Variants in IL31RA observed in about 807,000 individuals in gnomAD.
IL31RA encodes the protein interleukin-31 receptor subunit alpha.
In IL31RA, 66 loss-of-function variants were observed where a neutral mutation model predicts 83.7. The observed-to-expected ratio is 0.79, with a 90% CI of 0.65 to 0.97. IL31RA has a LOEUF of 0.97. IL31RA is among the 50% of genes least tolerant of loss of function. The pLI, the probability that IL31RA is intolerant of heterozygous loss-of-function variation, is 0.00. For synonymous variants in IL31RA, 325 were observed against 329.0 expected, an observed-to-expected ratio of 0.99 and a Z score of 0.13; for missense variants, 798 against 919.4, an observed-to-expected ratio of 0.87 and a Z score of 1.71.
intron 6 of IL31RA, among the ~76,000 whole-genome samples, chr5:55,894,492 C>T (rs939488702): frequency 6.6e-6 from 1 of 152,230 alleles, no homozygotes; most frequent in Non-Finnish European, 1.5e-5. Flanking sequence ...GTAAAGTCAA[C>T]ACAGTTCAAT....
intron 7 of IL31RA, among the ~76,000 whole-genome samples, chr5:55,898,222 G>A (rs1263298022): frequency 2.6e-5 from 4 of 152,188 alleles, no homozygotes; most frequent in South Asian, 2.1e-4. Flanking sequence ...TAGCAGTGGC[G>A]AAGGGCCAAG....
rs1348742879 is a variant in IL31RA, at chr5:55,906,551, T to C, written c.1252+263T>C. Among the ~76,000 whole-genome samples, 3 of 152,160 alleles carry C rather than the reference T, an allele frequency of 2.0e-5. No individual in the cohort carries two copies. In the East Asian group the frequency reaches 5.8e-4, roughly 29 times the overall value. ...CTTAACACCCACCATCAGAGAGTCC[T>C]TCCCGGATAGCTGGGTCATCCCATG... On this transcript the variant is annotated intron_variant, in intron 9 of 14. Transcript: ENST00000652347.
Position 55,919,576 on chromosome 5 carries a change from A to T in IL31RA, c.*2456A>T, listed in dbSNP as rs1488921097. On this transcript the variant is annotated 3_prime_UTR_variant, in exon 15 of 15. Transcript: ENST00000652347. The stretch of plus-strand genomic sequence containing the variant: ...CACTGCCAGAGCTTCTCATCTTTTA[A>T]CACTTGCTATTGTTTTCTTGTTTCT... 6.6e-6 allele frequency among the ~76,000 whole-genome samples: 1 copy of T among 151,994 alleles called. No individual in the cohort carries two copies. Among genetic ancestry groups the T allele is most frequent in the African/African-American group, 2.4e-5 (1 of 41,372 alleles).
intron 12 of IL31RA, among the ~76,000 whole-genome samples, chr5:55,912,058 A>G (rs560673648): frequency 6.6e-6 from 1 of 152,318 alleles, no homozygotes; most frequent in Non-Finnish European, 1.5e-5. Context: ...CACTGGGCAC[A>G]AATTTCATCA....
At chr5:55,857,856 C>T (rs1055863144) in intron 1 of IL31RA, among the ~76,000 whole-genome samples, 4 of 152,212 alleles carry the variant, frequency 2.6e-5, no homozygotes, top group Non-Finnish European at 5.9e-5. Context: ...ATTCCAACCA[C>T]CTAACACATG....
intron 7 of IL31RA, among the ~76,000 whole-genome samples, chr5:55,898,716 G>A (rs1319463653): frequency 6.7e-6 from 1 of 148,898 alleles, no homozygotes; most frequent in Non-Finnish European, 1.5e-5. Flanking sequence ...TATTTAAAAA[G>A]AATATGTGTT....
chr5:55,842,858 A>C, the IL31RA span, among the ~76,000 whole-genome samples: 1 of 152,104 alleles, frequency 6.6e-6, no homozygotes, highest in Non-Finnish European at 1.5e-5. Flanking sequence ...CCTTAGTGTT[A>C]CTTGATTCAA....
At chr5:55,912,781 G>A (rs1027931007) in intron 12 of IL31RA, among the ~76,000 whole-genome samples, 1 of 152,084 alleles carries the variant, frequency 6.6e-6, no homozygotes, top group African/African-American at 2.4e-5. Context: ...GGGCAACAGA[G>A]CGAGACTCCA....
chr5:55,921,303 A>G lies in IL31RA; in HGVS notation c.*4183A>G, dbSNP rs571075731. Reference sequence around the variant, plus strand: ...TTCAGCTAATTGCAAATCATACTGAATACATTATGTTCTCCCATATATAAA... The same window carrying G: ...TTCAGCTAATTGCAAATCATACTGAGTACATTATGTTCTCCCATATATAAA... On this transcript the variant is annotated 3_prime_UTR_variant, in exon 15 of 15. Coordinates refer to ENST00000652347, the MANE Select transcript of IL31RA (RefSeq NM_139017.7). Among the ~76,000 whole-genome samples, 1 of 152,334 alleles carries G rather than the reference A, an allele frequency of 6.6e-6. No homozygotes were observed. The highest frequency in any genetic ancestry group is 2.1e-4 in the South Asian group (1 of 4,832).
chr5:55,892,255 T>C (rs1580710181), intron 6 of IL31RA, among the ~76,000 whole-genome samples: 1 of 152,184 alleles, frequency 6.6e-6, no homozygotes, highest in Admixed American at 6.5e-5. Flanking sequence ...ATGTGAGTTT[T>C]AGAATATGAA....
the IL31RA span, among the ~76,000 whole-genome samples, chr5:55,843,942 T>A: frequency 6.6e-6 from 1 of 152,194 alleles, no homozygotes; most frequent in Non-Finnish European, 1.5e-5. Flanking sequence ...TTTATTGAAG[T>A]GTTTGGTATA....
chr5:55,890,734 A>G (rs1747936036), intron 6 of IL31RA, among the ~76,000 whole-genome samples: 1 of 152,242 alleles, frequency 6.6e-6, no homozygotes, highest in African/African-American at 2.4e-5. Context: ...TCCTGGAGCT[A>G]CTACTCAAAA....
chr5:55,862,026 A>G (rs914028422), intron 2 of IL31RA, among the ~76,000 whole-genome samples: 2 of 152,248 alleles, frequency 1.3e-5, no homozygotes, highest in Non-Finnish European at 2.9e-5. Flanking sequence ...ATAAGCAAGA[A>G]CATTCTCCCA....
At chr5:55,881,267 A>C (rs939867546) in intron 4 of IL31RA, among the ~76,000 whole-genome samples, 1 of 151,310 alleles carries the variant, frequency 6.6e-6, no homozygotes, top group Non-Finnish European at 1.5e-5. Context: ...GCGCCACTGC[A>C]CTCCAGCGTG....
At chr5:55,908,612 A>C (rs867197387) in intron 11 of IL31RA, 2 of 1,550,386 alleles carry the variant, frequency 1.3e-6, no homozygotes, top group Middle Eastern at 3.3e-4. Flanking sequence ...GAGTGAAGTG[A>C]CAGTACCTGA....
Position 55,854,097 on chromosome 5 carries a change from A to G in IL31RA, c.63+2464A>G, listed in dbSNP as rs147791968. 9.3e-4 allele frequency among the ~76,000 whole-genome samples: 142 copies of G among 152,302 alleles called. 1 individual carries two copies. Among genetic ancestry groups the G allele is most frequent in the African/African-American group, 3.2e-3 (131 of 41,558 alleles). On this transcript the variant is annotated intron_variant, in intron 1 of 14. Transcript: ENST00000652347. ...TAGAGATGAGTAATACAAACCCTAC[A>G]CGGATTTTTAGAAGTACAGGATGTA...
intron 2 of IL31RA, among the ~76,000 whole-genome samples, chr5:55,867,122 TTTG>T (rs1746121337): frequency 3.1e-5 from 4 of 130,924 alleles, no homozygotes; most frequent in South Asian, 5.3e-4. Flanking sequence ...CATGTGTGTG[TTTG>T]TGTGTGTGTG....
upstream of IL31RA, among the ~76,000 whole-genome samples, chr5:55,847,414 T>G (rs557538035): frequency 4.7e-4 from 72 of 152,024 alleles, no homozygotes; most frequent in African/African-American, 1.6e-3. Context: ...AAACCCTGTC[T>G]CTACTAAAAA....
intron 2 of IL31RA, among the ~76,000 whole-genome samples, chr5:55,865,075 G>A (rs533591362): frequency 1.3e-5 from 2 of 152,292 alleles, no homozygotes; most frequent in East Asian, 3.9e-4. Context: ...GGAGGCATGA[G>A]GTTTGTTAAC....
Sources: gnomAD v4.1 joint callset for allele counts (sites outside exome capture counted in the v4.1 genomes callset) on GRCh38, gnomAD v4.1.1 for gene constraint, MANE v1.5 for transcripts, NCBI Gene and HGNC (gene_info 2026-07-23, HGNC 2026-07-21) for gene names.